The following NRXN1 variants were observed in gnomAD, a reference collection of about 807,000 sequenced individuals.
NRXN1 encodes the protein neurexin 1.
Under a neutral mutation model 150.9 loss-of-function variants are expected in NRXN1, and 39 were observed. The ratio of observed to expected loss-of-function variants is 0.26; its 90% CI spans 0.20 to 0.34. NRXN1 has a LOEUF of 0.34. NRXN1 is among the 10% of genes least tolerant of loss of function. The probability of loss-of-function intolerance (pLI) is 1.00; values close to 1 mark genes in which losing one functional copy is unlikely to be tolerated. For synonymous variants in NRXN1, 924 were observed against 757.0 expected, an observed-to-expected ratio of 1.22 and a Z score of -3.62; for missense variants, 1,815 against 1,949.9, an observed-to-expected ratio of 0.93 and a Z score of 1.30.
chr2:50,942,156 G>C (rs969836887), intron 2 of NRXN1, among the ~76,000 whole-genome samples: 1 of 152,194 alleles, frequency 6.6e-6, no homozygotes, highest in Non-Finnish European at 1.5e-5. Context: ...ATGGTGTTGG[G>C]CCTGCAGGTG....
At chr2:50,416,987 C>T (rs2083585652) in intron 17 of NRXN1, 1 of 152,072 alleles carries the variant, frequency 6.6e-6, no homozygotes, top group African/African-American at 2.4e-5. Flanking sequence ...GCAATATTTA[C>T]ACAGATTCAT....
rs1220298573 is a variant in NRXN1 at position 50,050,803 on chromosome 2, T to A, written c.4128+2468A>T. ...TTCCCTAATGTTTTTTCCCCATACA[T>A]ACATGTGTTGTTATCTGTATTCATA... On this transcript the variant is annotated intron_variant, in intron 21 of 22. Coordinates refer to ENST00000401669, the MANE Select transcript of NRXN1 (RefSeq NM_001330078.2). Among the ~76,000 whole-genome samples the A allele has an allele frequency of 2.0e-5, 3 of 152,020 alleles. No individual in the cohort carries two copies. In the East Asian group the frequency reaches 5.8e-4, roughly 29 times the overall value.
At chr2:50,636,122 C>T (rs1683203600) in intron 5 of NRXN1, among the ~76,000 whole-genome samples, 1 of 152,006 alleles carries the variant, frequency 6.6e-6, no homozygotes, top group South Asian at 2.1e-4. Flanking sequence ...AATTAAGGCT[C>T]ATTACATAAG....
At chr2:50,241,714 G>C (rs1221323398) in intron 17 of NRXN1, among the ~76,000 whole-genome samples, 2 of 151,774 alleles carry the variant, frequency 1.3e-5, no homozygotes, top group Non-Finnish European at 2.9e-5. Flanking sequence ...TAAACTGCCT[G>C]TGATGTTATA....
intron 18 of NRXN1, among the ~76,000 whole-genome samples, chr2:50,203,710 C>T (rs2062355308): frequency 1.3e-5 from 2 of 152,122 alleles, no homozygotes; most frequent in South Asian, 2.1e-4. Flanking sequence ...AAAGAGAAGA[C>T]ATATGCCCTA....
chr2:50,784,429 C>A (rs1338042410), intron 5 of NRXN1, among the ~76,000 whole-genome samples: 1 of 151,334 alleles, frequency 6.6e-6, no homozygotes, highest in Non-Finnish European at 1.5e-5. Flanking sequence ...TAGGAGTGAC[C>A]CTGGAGAAGA....
intron 15 of NRXN1, among the ~76,000 whole-genome samples, chr2:50,483,877 C>T (rs75504263): frequency 0.022 from 3,303 of 152,196 alleles, 61 homozygotes; most frequent in Middle Eastern, 0.054. Context: ...GTTATTTTTT[C>T]CCGAATAGTG....
intron 5 of NRXN1, among the ~76,000 whole-genome samples, chr2:50,911,383 GT>G (rs70958633): frequency 5.6e-4 from 83 of 148,856 alleles, no homozygotes; most frequent in Middle Eastern, 6.9e-3. Context: ...TTCCTTTATA[GT>G]TTTTTTTTTA....
At chr2:50,314,509 C>T (rs1216254873) in intron 17 of NRXN1, among the ~76,000 whole-genome samples, 1 of 151,616 alleles carries the variant, frequency 6.6e-6, no homozygotes, top group Non-Finnish European at 1.5e-5. Context: ...AGCTCTAATC[C>T]CTCAGAGAAA....
Position 50,538,414 on chromosome 2 carries a change from T to C in NRXN1, c.1982A>G (p.Glu661Gly). The C allele has an allele frequency of 6.2e-7, 1 of 1,613,984 alleles. No individual in the cohort carries two copies. The highest frequency in any genetic ancestry group is 1.3e-5 in the African/African-American group (1 of 75,040). The change falls in exon 10 of 23, where the codon GAA becomes GGA. Residue 661 changes from glutamate to glycine, a missense_variant. Coordinates refer to ENST00000401669, the MANE Select transcript of NRXN1 (RefSeq NM_001330078.2). ...CTTCACTCCAGCAGTACTTTGAACT[T>C]CAGCCATTTGCCGGATATCTTTGCT... ...GQSKDIRQMA[E>G]VQSTAGVKPS...
At chr2:50,877,666 T>C (rs987862485) in intron 5 of NRXN1, among the ~76,000 whole-genome samples, 22 of 151,974 alleles carry the variant, frequency 1.4e-4, no homozygotes, top group African/African-American at 5.1e-4. Context: ...ATCACTTGAC[T>C]ATACTACATT....
At chr2:50,226,968 C>A (rs1460328426) in intron 18 of NRXN1, among the ~76,000 whole-genome samples, 1 of 151,942 alleles carries the variant, frequency 6.6e-6, no homozygotes, top group African/African-American at 2.4e-5. Flanking sequence ...ATTCTAGGCT[C>A]ATGCTGGGCT....
intron 17 of NRXN1, among the ~76,000 whole-genome samples, chr2:50,295,310 G>A (rs555430881): frequency 4.9e-4 from 75 of 152,260 alleles, no homozygotes; most frequent in African/African-American, 1.8e-3. Context: ...GTTTGGATAG[G>A]TCAATGAAAA....
At chr2:50,655,240 T>C (rs1686255388) in intron 5 of NRXN1, among the ~76,000 whole-genome samples, 1 of 147,880 alleles carries the variant, frequency 6.8e-6, no homozygotes, top group Admixed American at 6.8e-5. Context: ...TCTGTATCTT[T>C]CATATTTTTC....
intron 17 of NRXN1, among the ~76,000 whole-genome samples, chr2:50,340,128 T>A (rs1171891669): frequency 6.6e-6 from 1 of 152,194 alleles, no homozygotes; most frequent in Non-Finnish European, 1.5e-5. Context: ...AGCAAAATGA[T>A]GATCATAAGC....
At chr2:49,939,308 G>A (rs1256949668) in intron 22 of NRXN1, among the ~76,000 whole-genome samples, 1 of 152,064 alleles carries the variant, frequency 6.6e-6, no homozygotes, top group Non-Finnish European at 1.5e-5. Context: ...TCTCTCATGT[G>A]TCTACGCTTC....
At chr2:50,755,450 C>T (rs2105351204) in intron 5 of NRXN1, among the ~76,000 whole-genome samples, 1 of 151,904 alleles carries the variant, frequency 6.6e-6, no homozygotes, top group Admixed American at 6.6e-5. Context: ...TTTTAAAGCA[C>T]CAAGCTCCTT....
intron 9 of NRXN1, among the ~76,000 whole-genome samples, chr2:50,550,069 G>T (rs1667213333): frequency 6.6e-6 from 1 of 151,910 alleles, no homozygotes; most frequent in Non-Finnish European, 1.5e-5. Context: ...ATATTATTTT[G>T]TATTTACTAG....
chr2:50,735,024 C>A (rs1291893007), intron 5 of NRXN1, among the ~76,000 whole-genome samples: 2 of 152,134 alleles, frequency 1.3e-5, no homozygotes, highest in African/African-American at 2.4e-5. Flanking sequence ...TGAAGGTACT[C>A]TATCCCTTTA....
Sources: allele counts gnomAD v4.1 joint callset (sites outside exome capture counted in the v4.1 genomes callset), GRCh38; gene constraint gnomAD v4.1.1; transcripts MANE v1.5; gene names NCBI Gene and HGNC (gene_info 2026-07-23, HGNC 2026-07-21).